MAGI2: variants seen among roughly 807,000 people sequenced by gnomAD.
The protein encoded by MAGI2 is membrane associated guanylate kinase, WW and PDZ domain containing 2.
In MAGI2, 35 loss-of-function variants were observed where a neutral mutation model predicts 133.3. That is an observed-to-expected ratio of 0.26 (90% CI 0.20 to 0.35). The LOEUF is 0.35. Among genes scored for constraint, MAGI2 ranks in the 10% least tolerant of loss-of-function variants. The pLI is 1.00. For synonymous variants in MAGI2, 729 were observed against 710.6 expected, an observed-to-expected ratio of 1.03 and a Z score of -0.41; for missense variants, 1,636 against 1,863.4, an observed-to-expected ratio of 0.88 and a Z score of 2.25.
chr7:78,455,189 ACT>A (rs10568751), intron 6 of MAGI2, among the ~76,000 whole-genome samples: 54,044 of 151,774 alleles, frequency 0.36, 12,345 homozygotes, highest in African/African-American at 0.66. Context: ...GGTATATGGA[ACT>A]CTCTGCACTT....
chr7:79,052,743 T>G (rs555143215), intron 1 of MAGI2, among the ~76,000 whole-genome samples: 9 of 152,214 alleles, frequency 5.9e-5, no homozygotes, highest in Non-Finnish European at 1.2e-4. Flanking sequence ...TTACACATTA[T>G]AAGACTGAAA....
At chr7:79,092,381 T>C (rs1817141476) in intron 1 of MAGI2, among the ~76,000 whole-genome samples, 3 of 152,262 alleles carry the variant, frequency 2.0e-5, no homozygotes, top group Admixed American at 2.0e-4. Context: ...ATAAAGTTCT[T>C]GAATAATCCT....
chr7:79,414,182 T>C (rs1339101084), intron 1 of MAGI2: 3 of 152,192 alleles, frequency 2.0e-5, no homozygotes, highest in Non-Finnish European at 2.9e-5. Context: ...TTATATCTTC[T>C]GTATGATGCC....
In MAGI2 at chr7:78,366,484, T is replaced by C. The variant is rs186856415; in HGVS notation, c.1103+2672A>G. 2.6e-4 allele frequency among the ~76,000 whole-genome samples: 39 copies of C among 152,306 alleles called. No homozygotes were observed. In the East Asian group the frequency reaches 7.5e-3, roughly 29 times the overall value. On this transcript the variant is annotated intron_variant, in intron 7 of 21. Transcript: ENST00000354212. ...CTCTATGTTTACATATGTATTCTTA[T>C]AGTTTCCATAAAGAAGGCTACTATT...
chr7:79,160,335 C>T (rs1824232793), intron 1 of MAGI2, among the ~76,000 whole-genome samples: 1 of 151,714 alleles, frequency 6.6e-6, no homozygotes, highest in South Asian at 2.1e-4. Flanking sequence ...ATAAAAGAAA[C>T]AATTAAGCTT....
chr7:79,035,742 A>G (rs1811069505), intron 1 of MAGI2, among the ~76,000 whole-genome samples: 1 of 152,180 alleles, frequency 6.6e-6, no homozygotes, highest in African/African-American at 2.4e-5. Flanking sequence ...TTCCCTACAA[A>G]TAATATAGAA....
At chr7:79,004,872 C>T (rs1336380018) in intron 2 of MAGI2, among the ~76,000 whole-genome samples, 4 of 151,992 alleles carry the variant, frequency 2.6e-5, no homozygotes, top group African/African-American at 9.7e-5. Flanking sequence ...CACCTGAGGT[C>T]GGGAGCTTGA....
At chr7:79,177,551 T>C (rs980997759) in intron 1 of MAGI2, among the ~76,000 whole-genome samples, 1 of 152,050 alleles carries the variant, frequency 6.6e-6, no homozygotes, top group African/African-American at 2.4e-5. Flanking sequence ...AAGAAAATAA[T>C]CACTATTTCA....
chr7:78,576,549 G>T (rs1428008576), intron 3 of MAGI2, among the ~76,000 whole-genome samples: 1 of 147,358 alleles, frequency 6.8e-6, no homozygotes, highest in Admixed American at 6.7e-5. Context: ...ACTTAGAAAG[G>T]TCACATTCTG....
intron 3 of MAGI2, among the ~76,000 whole-genome samples, chr7:78,573,633 T>C (rs1801966591): frequency 6.6e-6 from 1 of 151,182 alleles, no homozygotes; most frequent in South Asian, 2.1e-4. Flanking sequence ...AGGTTTTGTC[T>C]TTCGGGTTTG....
At chr7:78,367,854 A>G (rs560560982) in intron 7 of MAGI2, among the ~76,000 whole-genome samples, 2 of 152,332 alleles carry the variant, frequency 1.3e-5, no homozygotes, top group South Asian at 2.1e-4. Flanking sequence ...ACATGTAGGT[A>G]CTTTAATTCA....
intron 20 of MAGI2, among the ~76,000 whole-genome samples, chr7:78,090,151 C>A (rs1042945753): frequency 6.6e-6 from 1 of 152,162 alleles, no homozygotes; most frequent in Non-Finnish European, 1.5e-5. Flanking sequence ...CTCCAAGAAG[C>A]CATTGCTGGT....
intron 9 of MAGI2, among the ~76,000 whole-genome samples, chr7:78,330,322 A>G (rs1789031391): frequency 8.1e-6 from 1 of 123,782 alleles, no homozygotes; most frequent in African/African-American, 3.2e-5. Flanking sequence ...TGCTGCATAG[A>G]AAGATTCCTT....
chr7:78,305,066 C>G (rs1159667853), intron 9 of MAGI2, among the ~76,000 whole-genome samples: 1 of 152,198 alleles, frequency 6.6e-6, no homozygotes, highest in Non-Finnish European at 1.5e-5. Flanking sequence ...CTTTTGAAAA[C>G]AAGAACAACT....
intron 2 of MAGI2, among the ~76,000 whole-genome samples, chr7:78,634,846 T>C (rs769012829): frequency 3.9e-5 from 6 of 152,308 alleles, no homozygotes; most frequent in African/African-American, 9.6e-5. Flanking sequence ...CTCTTCTGTT[T>C]TGGTTGGGAC....
chr7:79,336,879 G>A (rs1229635738), intron 1 of MAGI2, among the ~76,000 whole-genome samples: 1 of 151,952 alleles, frequency 6.6e-6, no homozygotes, highest in Non-Finnish European at 1.5e-5. Flanking sequence ...ATGATACAAA[G>A]TAGCAGATAT....
intron 2 of MAGI2, among the ~76,000 whole-genome samples, chr7:78,631,502 A>G (rs1808997513): frequency 6.6e-6 from 1 of 152,118 alleles, no homozygotes; most frequent in African/African-American, 2.4e-5. Flanking sequence ...AGGCTTACCT[A>G]CCCAATCTAT....
At chr7:78,297,178 G>T (rs539458333) in intron 9 of MAGI2, among the ~76,000 whole-genome samples, 49 of 152,280 alleles carry the variant, frequency 3.2e-4, no homozygotes, top group African/African-American at 1.1e-3. Flanking sequence ...CGAAGGGAAA[G>T]GGAGGACAAA....
At chr7:78,536,759 G>GTT (rs55740303) in intron 3 of MAGI2, among the ~76,000 whole-genome samples, 17 of 122,426 alleles carry the variant, frequency 1.4e-4, no homozygotes, top group Non-Finnish European at 2.1e-4. Flanking sequence ...TTTTGTTGTT[G>GTT]TTTTTTTTTT....
Sources: allele counts gnomAD v4.1 joint callset (sites outside exome capture counted in the v4.1 genomes callset), GRCh38; gene constraint gnomAD v4.1.1; transcripts MANE v1.5; gene names NCBI Gene and HGNC (gene_info 2026-07-23, HGNC 2026-07-21).